ZNF236: variants seen among roughly 807,000 people sequenced by gnomAD.
ZNF236 encodes the protein regulated by glucose.
In ZNF236, 50 loss-of-function variants were observed where a neutral mutation model predicts 191.2. That is an observed-to-expected ratio of 0.26 (90% CI 0.21 to 0.33). ZNF236 has a LOEUF of 0.33. ZNF236 is among the 10% of genes least tolerant of loss of function. The pLI is 1.00. For missense variants in ZNF236, 1,754 were observed against 2,374.5 expected (o/e 0.74, Z 5.43); for synonymous variants, 907 against 928.8 (o/e 0.98, Z 0.43).
chr18:76,954,437 C>T (rs1968476516), intron 27 of ZNF236, among the ~76,000 whole-genome samples: 1 of 152,214 alleles, frequency 6.6e-6, no homozygotes, highest in South Asian at 2.1e-4. Context: ...TGATGTTCTT[C>T]AGCATGCATT....
intron 1 of ZNF236, chr18:76,824,341 G>A (rs752906191): frequency 1.3e-6 from 1 of 781,112 alleles, no homozygotes; most frequent in Non-Finnish European, 2.4e-6. Flanking sequence ...GCGTTTCAGC[G>A]AGCTTTCGCA....
At chr18:76,886,152 T>C (rs970259018) in intron 9 of ZNF236, 4 of 152,244 alleles carry the variant, frequency 2.6e-5, no homozygotes, top group Non-Finnish European at 4.4e-5. Flanking sequence ...AGTTGATTAT[T>C]GTTCTTCAGT....
rs1968917643 is a variant in ZNF236, at chr18:76,972,280, G to A, written c.*3941G>A. On this transcript the variant is annotated 3_prime_UTR_variant, in exon 31 of 31. Transcript: ENST00000320610. Reference sequence around the variant, plus strand: ...GTGGGAACCACAGAGCTTTTCGTGGGCCAGATGCCCACATATTCCTAGCAG... The same window carrying A: ...GTGGGAACCACAGAGCTTTTCGTGGACCAGATGCCCACATATTCCTAGCAG... Among the ~76,000 whole-genome samples the A allele has an allele frequency of 2.6e-5, 4 of 152,216 alleles. No individual in the cohort carries two copies.
chr18:76,841,977 G>T (rs1478039645), intron 1 of ZNF236, among the ~76,000 whole-genome samples: 1 of 152,150 alleles, frequency 6.6e-6, no homozygotes, highest in Non-Finnish European at 1.5e-5. Context: ...GGGATTGCAG[G>T]CATGAGCCAC....
chr18:76,861,540 G>A (rs919061180), intron 3 of ZNF236, among the ~76,000 whole-genome samples: 2 of 152,180 alleles, frequency 1.3e-5, no homozygotes, highest in African/African-American at 4.8e-5. Flanking sequence ...CAGTATTGGA[G>A]CACAATTAAA....
intron 3 of ZNF236, among the ~76,000 whole-genome samples, chr18:76,866,142 C>A (rs546456607): frequency 6.6e-6 from 1 of 152,294 alleles, no homozygotes; most frequent in South Asian, 2.1e-4. Context: ...AGGGGTGTTA[C>A]AGAATGTTTG....
chr18:76,928,575 G>A (rs116333012), intron 25 of ZNF236, among the ~76,000 whole-genome samples: 1,657 of 152,260 alleles, frequency 0.011, 19 homozygotes, highest in African/African-American at 0.038. Context: ...AGATAAACGG[G>A]TAGGAAATAC....
chr18:76,835,561 G>T (rs920800739), intron 1 of ZNF236, among the ~76,000 whole-genome samples: 1 of 152,048 alleles, frequency 6.6e-6, no homozygotes, highest in East Asian at 1.9e-4. Flanking sequence ...ATCTAGTAAT[G>T]ACTTTTGCCT....
chr18:76,908,686 C>T, intron 14 of ZNF236, 113 bp downstream of exon 14: 1 of 1,367,232 alleles, frequency 7.3e-7, no homozygotes. Flanking sequence ...ACAATTTGTG[C>T]TGTATGTGAA....
At chr18:76,939,585 G>A (rs1009360739) in intron 26 of ZNF236, among the ~76,000 whole-genome samples, 1 of 152,126 alleles carries the variant, frequency 6.6e-6, no homozygotes, top group African/African-American at 2.4e-5. Flanking sequence ...TTCAAATCCA[G>A]GTACAGGAGT....
chr18:76,907,527 C>A (rs1360066539), intron 13 of ZNF236, among the ~76,000 whole-genome samples: 1 of 152,148 alleles, frequency 6.6e-6, no homozygotes. Context: ...TGGGGTTTCA[C>A]CATGTTGGCC....
Position 76,895,465 on chromosome 18 carries a change from T to A in ZNF236, c.1690+180T>A. The A allele has an allele frequency of 3.5e-6, 3 of 853,832 alleles. No individual in the cohort carries two copies. In the South Asian group the frequency reaches 5.3e-5, roughly 15 times the overall value. 52.9% of individuals were successfully genotyped at this position (853,832 alleles called of 1,614,324 possible). Reference sequence around the variant, plus strand: ...TACTGCACGTAAGTGTGGCCCGCAATGCAGCACCCACACCGGTACTGCCCA... The same window carrying A: ...TACTGCACGTAAGTGTGGCCCGCAAAGCAGCACCCACACCGGTACTGCCCA... On this transcript the variant is annotated intron_variant, in intron 10 of 30. Transcript: ENST00000320610.
chr18:76,839,055 G>A (rs1975410859), intron 1 of ZNF236, among the ~76,000 whole-genome samples: 1 of 152,238 alleles, frequency 6.6e-6, no homozygotes, highest in Admixed American at 6.5e-5. Context: ...ATGTAGAGCA[G>A]AAGTTTGCTC....
chr18:76,855,962 A>G (rs929515169), intron 3 of ZNF236, among the ~76,000 whole-genome samples: 2 of 152,136 alleles, frequency 1.3e-5, no homozygotes, highest in African/African-American at 4.8e-5. Flanking sequence ...CAAAATTTTG[A>G]TATTGTCAAA....
In ZNF236 at chr18:76,937,282, C is replaced by G. The variant is rs944815267; in HGVS notation, c.4721C>G (p.Ala1574Gly). The G allele has an allele frequency of 3.1e-6, 5 of 1,614,120 alleles. No homozygotes were observed. The highest frequency in any genetic ancestry group is 4.2e-6 in the Non-Finnish European group (5 of 1,180,028). ...GGDASVTLTL[A>G]DTQGMLSGGL... is the part of the protein sequence containing the mutation. Reference sequence around the variant, plus strand: ...GACGCTAGTGTCACGCTGACGCTGGCCGATACTCAGGGTATGCTATCTGGA... The same window carrying G: ...GACGCTAGTGTCACGCTGACGCTGGGCGATACTCAGGGTATGCTATCTGGA... The change falls in exon 26 of 31, where the codon GCC becomes GGC. Residue 1574 changes from alanine (A) to glycine (G), a missense_variant. Around this residue, in one of 5 missense-constraint regions of ZNF236, gnomAD observed 606 missense variants for 761.5 expected, o/e 0.80. Coordinates refer to ENST00000320610, the MANE Select transcript of ZNF236 (RefSeq NM_001306089.2).
At chr18:76,916,840 CAG>C (rs779073586) in intron 19 of ZNF236, among the ~76,000 whole-genome samples, 127 of 152,250 alleles carry the variant, frequency 8.3e-4, no homozygotes, top group African/African-American at 2.2e-3. Flanking sequence ...TGTGTGGAGA[CAG>C]GGGTGCTAAA....
rs909206093 is a variant in ZNF236, at chr18:76,868,539, C to T, written c.364-146C>T. ...TTGAGAGGTGAAAGTGATGCTTGTT[C>T]CAGAGGAAAGTATTAGATCAAAATC... On this transcript the variant is annotated intron_variant, in intron 3 of 30. Transcript: ENST00000320610. 4 of 558,450 alleles carry T rather than the reference C, an allele frequency of 7.2e-6. No individual in the cohort carries two copies. The African/African-American group carries it at 7.7e-5, about 11-fold the overall frequency. The allele number at this position is 558,450 out of a possible 1,614,324, so 34.6% of individuals were successfully genotyped here. A position where few individuals can be genotyped will look rare whatever the true frequency, so the allele number is the denominator to read the frequency against.
chr18:76,824,798 G>A (rs552820768), intron 1 of ZNF236, among the ~76,000 whole-genome samples: 3 of 152,256 alleles, frequency 2.0e-5, no homozygotes, highest in South Asian at 4.2e-4. Context: ...CCTCGGGAAT[G>A]TATTTCCAGT....
chr18:76,825,399 G>A (rs1410981440), intron 1 of ZNF236, among the ~76,000 whole-genome samples: 1 of 151,856 alleles, frequency 6.6e-6, no homozygotes, highest in African/African-American at 2.4e-5. Context: ...TGCACTAATT[G>A]TACAAAAGCA....
Sources: allele counts gnomAD v4.1 joint callset (sites outside exome capture counted in the v4.1 genomes callset), GRCh38; gene constraint gnomAD v4.1.1; regional missense constraint gnomAD v4.1.1; transcripts MANE v1.5; gene names NCBI Gene and HGNC (gene_info 2026-07-23, HGNC 2026-07-21).